The following TMEM63A variants were observed in gnomAD, a reference collection of about 807,000 sequenced individuals.
TMEM63A encodes transmembrane protein 63A, also known as mechanosensitive cation channel TMEM63A.
A neutral mutation model predicts 100.6 loss-of-function variants in TMEM63A; 76 were observed. That is an observed-to-expected ratio of 0.76 (90% CI 0.63 to 0.91). The LOEUF (loss-of-function observed/expected upper bound fraction) is 0.91, where lower values mean the gene tolerates loss of function less well. TMEM63A is among the 40% of genes least tolerant of loss of function. TMEM63A has a pLI of 0.00. For missense variants in TMEM63A, 876 were observed against 1,008.8 expected (o/e 0.87, Z 1.78); for synonymous variants, 401 against 401.1 (o/e 1.00, Z 0.00).
At chr1:225,842,441 A>C (rs754141455), downstream of TMEM63A, 2 of 1,614,032 alleles carry the variant, frequency 1.2e-6, no homozygotes, top group Non-Finnish European at 1.7e-6. Flanking sequence ...ACCAATACGG[A>C]ATTCCGATAC....
intron 14 of TMEM63A, 64 bp downstream of exon 14, chr1:225,860,796 T>C: frequency 6.6e-7 from 1 of 1,523,988 alleles, no homozygotes. Context: ...GTGCTCCAGG[T>C]GATGGGCAGC....
chr1:225,844,430 T>C, downstream of TMEM63A: 1 of 1,613,302 alleles, frequency 6.2e-7, no homozygotes, highest in East Asian at 2.2e-5. Context: ...TGTAGGACTT[T>C]CTGGCTGCCC....
chr1:225,840,817 T>C (rs1242518911), downstream of TMEM63A: 1 of 152,350 alleles, frequency 6.6e-6, no homozygotes, highest in African/African-American at 2.4e-5. Context: ...AGGAATTGTC[T>C]TGCCCATCTC....
At chr1:225,845,433 G>C (rs971630638), downstream of TMEM63A, 6 of 1,430,120 alleles carry the variant, frequency 4.2e-6, no homozygotes, top group Admixed American at 4.0e-5. Flanking sequence ...TCTGAGGAAT[G>C]AGTTTGCCTC....
chr1:225,845,335 G>A (rs1487288508), downstream of TMEM63A: 1 of 1,610,318 alleles, frequency 6.2e-7, no homozygotes, highest in Non-Finnish European at 8.5e-7. Context: ...TGTCGGTGCT[G>A]GAGCGGCAAT....
At chr1:225,858,948 ATGTG>A (rs57543496) in intron 15 of TMEM63A, among the ~76,000 whole-genome samples, 18,524 of 139,372 alleles carry the variant, frequency 0.13, 1,139 homozygotes, top group East Asian at 0.2. Context: ...TATACATATA[ATGTG>A]TGTGTGTGTG....
At chr1:225,843,508 A>G (rs1359899003), downstream of TMEM63A, among the ~76,000 whole-genome samples, 3 of 152,136 alleles carry the variant, frequency 2.0e-5, no homozygotes, top group Non-Finnish European at 4.4e-5. Context: ...AGCAGGACAC[A>G]GGGGTTGATG....
chr1:225,849,560 G>A (rs1559033241), intron 21 of TMEM63A, among the ~76,000 whole-genome samples: 1 of 152,188 alleles, frequency 6.6e-6, no homozygotes, highest in Non-Finnish European at 1.5e-5. Flanking sequence ...TTCTCTCCAG[G>A]GATGTATGGG....
intron 20 of TMEM63A, 149 bp downstream of exon 20, chr1:225,852,515 T>C (rs1669397073): frequency 1.5e-6 from 1 of 672,458 alleles, no homozygotes; most frequent in Non-Finnish European, 2.6e-6. Context: ...TGAAATCTGG[T>C]GTCACGTGAG....
chr1:225,843,980 GA>G (rs977105049), downstream of TMEM63A, among the ~76,000 whole-genome samples: 4 of 152,208 alleles, frequency 2.6e-5, no homozygotes, highest in African/African-American at 9.6e-5. Flanking sequence ...GTGCTCTGGG[GA>G]AAGTGGAAGG....
downstream of TMEM63A, among the ~76,000 whole-genome samples, chr1:225,841,601 CT>C (rs35827447): frequency 1.2e-3 from 128 of 104,428 alleles, 1 homozygote; most frequent in African/African-American, 1.8e-3. Flanking sequence ...CTGTCCCAGC[CT>C]TTTTTTTTTT....
downstream of TMEM63A, chr1:225,844,425 G>A: frequency 6.2e-7 from 1 of 1,612,482 alleles, no homozygotes; most frequent in Admixed American, 1.7e-5. Flanking sequence ...GCATTTGTAG[G>A]ACTTTCTGGC....
At chr1:225,861,022 A>G in intron 13 of TMEM63A, 25 bp from the exon 14 acceptor site, 1 of 1,588,340 alleles carries the variant, frequency 6.3e-7, no homozygotes, top group Non-Finnish European at 8.6e-7. Flanking sequence ...AGCAACAGCC[A>G]GGCCCAGGCT....
chr1:225,874,282 C>A lies in TMEM63A; in HGVS notation c.266+6G>T, dbSNP rs762606603. The A allele has an allele frequency of 9.3e-6, 15 of 1,613,724 alleles. No homozygotes were observed. The East Asian group carries it at 3.3e-4, about 36-fold the overall frequency. ...CATGCTCACAGCCTAGGCGATATGT[C>A]TTTACCTGTCTGCTTCTGACACCAG... is the stretch of plus-strand genomic sequence containing the variant. On this transcript the variant is annotated splice_donor_region_variant and intron_variant, in intron 4 of 24. Transcript: ENST00000366835.
At chr1:225,868,794 T>G (rs1670348108) in intron 6 of TMEM63A, among the ~76,000 whole-genome samples, 1 of 151,164 alleles carries the variant, frequency 6.6e-6, no homozygotes, top group African/African-American at 2.4e-5. Flanking sequence ...GAGCCAAGAG[T>G]CCCAGTCCAT....
In TMEM63A at chr1:225,867,130, ATTG is replaced by A. The variant is rs1368876527; in HGVS notation, c.545_547del (p.Thr182del). On this transcript the variant is annotated inframe_deletion, in exon 8 of 25. Transcript: ENST00000366835. This position sits in a 1 kb window ranked among gnomAD's most constrained non-coding sequence, Gnocchi z 4.6. Reference sequence around the variant, plus strand: ...TACTCACTCAGTCTGTAGGTTTGCTATTGTTGTCCTCCCAAAACTATACGGGTC... The same window carrying A: ...TACTCACTCAGTCTGTAGGTTTGCTATTGTCCTCCCAAAACTATACGGGTC... 6.8e-6 allele frequency: 11 copies of A among 1,613,924 alleles called. No individual in the cohort carries two copies. The highest frequency in any genetic ancestry group is 6.8e-6 in the Non-Finnish European group (8 of 1,179,998).
In TMEM63A at chr1:225,862,154, A is replaced by G; in HGVS notation, c.1085+64T>C. On this transcript the variant is annotated intron_variant, in intron 13 of 24. Transcript: ENST00000366835. The surrounding 1 kb of genome is among the most constrained non-coding windows in gnomAD (Gnocchi z 5.1). ...AGTACCATCTCCACTCGAGAGGGAC[A>G]GTGAGTTATCTGGAGGGGAACAGGG... The G allele has an allele frequency of 6.3e-7, 1 of 1,598,248 alleles. No homozygotes were observed. Among genetic ancestry groups the G allele is most frequent in the Non-Finnish European group, 8.5e-7 (1 of 1,170,520 alleles).
Position 225,850,128 on chromosome 1 carries a change from C to T in TMEM63A, c.1904-49G>A, listed in dbSNP as rs753066614. On this transcript the variant is annotated intron_variant, in intron 20 of 24. Transcript: ENST00000366835. ...TGGAGACCTCGCAGGGCCACACAGA[C>T]ACCTCTGTCCTCTTCCTCTCCGGGG... The T allele has an allele frequency of 1.9e-6, 3 of 1,594,838 alleles. No homozygotes were observed. The South Asian group carries it at 3.4e-5, about 18-fold the overall frequency.
In TMEM63A at chr1:225,849,963, C is replaced by T; in HGVS notation, c.2020G>A (p.Ala674Thr). The T allele has an allele frequency of 6.2e-7, 1 of 1,614,224 alleles. No homozygotes were observed. The highest frequency in any genetic ancestry group is 8.5e-7 in the Non-Finnish European group (1 of 1,180,042). Residue 674 changes from alanine (A) to threonine (T), a missense_variant, in exon 21 of 25, where the codon GCC (alanine) becomes ACC (threonine). Around this residue, in one of 5 missense-constraint regions of TMEM63A, gnomAD observed 339 missense variants for 342.3 expected, o/e 0.99. Coordinates refer to ENST00000366835, the MANE Select transcript of TMEM63A (RefSeq NM_014698.3). ...HFAAVNQALA[A>T]PILCLFWLYF... ...AGCCAGAAGAGGCACAGGATGGGGG[C>T]TGCCAAGGCCTGGTTCACAGCGGCA... is the stretch of plus-strand genomic sequence containing the variant.
Sources: allele counts gnomAD v4.1 joint callset (sites outside exome capture counted in the v4.1 genomes callset), GRCh38; gene constraint gnomAD v4.1.1; regional missense constraint gnomAD v4.1.1; non-coding constraint Gnocchi (gnomAD v3.1); transcripts MANE v1.5; gene names NCBI Gene and HGNC (gene_info 2026-07-23, HGNC 2026-07-21).